The following SBNO2 variants were observed in gnomAD, a reference collection of about 807,000 sequenced individuals.
SBNO2 encodes the protein protein strawberry notch homolog 2.
Under a neutral mutation model 146.3 loss-of-function variants are expected in SBNO2, and 89 were observed. The ratio of observed to expected loss-of-function variants is 0.61; its 90% confidence interval spans 0.51 to 0.73. SBNO2 has a LOEUF of 0.73. SBNO2 is among the 30% of genes least tolerant of loss of function. The probability of loss-of-function intolerance (pLI) is 0.00; values close to 1 mark genes in which losing one functional copy is unlikely to be tolerated. For synonymous variants in SBNO2, 1,147 were observed against 892.6 expected, an observed-to-expected ratio of 1.29 and a Z score of -5.08; for missense variants, 2,092 against 2,003.7, an observed-to-expected ratio of 1.04 and a Z score of -0.84.
chr19:1,109,793 G>A lies in SBNO2; in HGVS notation c.3029-16C>T, dbSNP rs779575130. 14 of 1,551,902 alleles carry A rather than the reference G, an allele frequency of 9.0e-6. No homozygotes were observed. The highest frequency in any genetic ancestry group is 1.1e-5 in the Non-Finnish European group (12 of 1,138,236). On this transcript the variant is annotated splice_polypyrimidine_tract_variant and intron_variant, in intron 26 of 31. Transcript: ENST00000361757. This position sits in a 1 kb window ranked among gnomAD's most constrained non-coding sequence, Gnocchi z 4.2. ...GGAGCAAGGTCTAGGGGGGCGGGTG[G>A]AGGGTAAGTGGTGTCCAGGCCTGGG...
chr19:1,153,986 C>A (rs1282200740), intron 2 of SBNO2, among the ~76,000 whole-genome samples, 198 bp downstream of exon 2: 1 of 152,220 alleles, frequency 6.6e-6, no homozygotes, highest in Non-Finnish European at 1.5e-5. Flanking sequence ...TGAGTAGCCT[C>A]CCATTCACAT....
intron 5 of SBNO2, among the ~76,000 whole-genome samples, chr19:1,124,694 T>C (rs2079945060): frequency 2.0e-5 from 3 of 152,164 alleles, no homozygotes; most frequent in Non-Finnish European, 4.4e-5. Context: ...CACATCCCAC[T>C]GCGGCCCCAC....
At position 1,162,009 on chromosome 19, in the gene SBNO2, C is replaced by T. The variant is rs538079030; in HGVS notation, c.-126-7607G>A. Among the ~76,000 whole-genome samples the T allele has an allele frequency of 1.3e-3, 180 of 143,548 alleles. 1 individual carries two copies. The highest frequency in any genetic ancestry group is 4.4e-3 in the African/African-American group (166 of 38,072). 94.2% of individuals were successfully genotyped at this position (143,548 alleles called of 152,430 possible). A position where few individuals can be genotyped will look rare whatever the true frequency, so the allele number is the denominator to read the frequency against. On this transcript the variant is annotated intron_variant, in intron 1 of 31. Transcript: ENST00000361757. ...GACGGACGTCCTGGCCCAAGGTGAG[C>T]GGGCACGGCCACAGATGGCGCCTGG... is the stretch of plus-strand genomic sequence containing the variant.
At chr19:1,129,658 G>A (rs1340415052) in intron 4 of SBNO2, among the ~76,000 whole-genome samples, 1 of 152,202 alleles carries the variant, frequency 6.6e-6, no homozygotes, top group African/African-American at 2.4e-5. Context: ...GCTGACCTGT[G>A]GCCCGGACCC....
At chr19:1,145,924 C>T (rs1348076407) in intron 4 of SBNO2, among the ~76,000 whole-genome samples, 3 of 152,158 alleles carry the variant, frequency 2.0e-5, no homozygotes, top group Non-Finnish European at 2.9e-5. Context: ...CTGGGGGCTA[C>T]AGGACAGGAA....
intron 1 of SBNO2, among the ~76,000 whole-genome samples, chr19:1,166,409 G>A (rs1222258192): frequency 6.6e-6 from 1 of 152,226 alleles, no homozygotes. Flanking sequence ...CTGTCCGCCT[G>A]GACAGGGTGG....
chr19:1,123,172 GT>G (rs2145227240), intron 7 of SBNO2, 127 bp from the exon 8 acceptor site: 1 of 1,097,524 alleles, frequency 9.1e-7, no homozygotes, highest in African/African-American at 1.6e-5. Context: ...GCGTGGCCAG[GT>G]CCCGTTGGGC....
intron 16 of SBNO2, 93 bp from the exon 17 acceptor site, chr19:1,116,196 G>A: frequency 8.4e-7 from 1 of 1,184,524 alleles, no homozygotes; most frequent in Non-Finnish European, 1.2e-6. Flanking sequence ...GGGTCCCTGT[G>A]GGGGTCCCGG....
intron 4 of SBNO2, among the ~76,000 whole-genome samples, chr19:1,129,818 C>G (rs2145248194): frequency 6.6e-6 from 1 of 152,294 alleles, no homozygotes; most frequent in East Asian, 1.9e-4. Context: ...GCTCCCCAAA[C>G]CCAAATGCGT....
intron 11 of SBNO2, among the ~76,000 whole-genome samples, chr19:1,120,412 G>A (rs1489868399): frequency 1.3e-5 from 2 of 152,178 alleles, no homozygotes; most frequent in Non-Finnish European, 2.9e-5. Flanking sequence ...TGTCACCCAC[G>A]CTGGAGTGCA....
rs756207047 is a variant in SBNO2, at chr19:1,154,259, G to A, written c.18C>T (p.Pro6=). The A allele has an allele frequency of 1.7e-5, 21 of 1,267,220 alleles. No individual in the cohort carries two copies. The highest frequency in any genetic ancestry group is 2.7e-4 in the Middle Eastern group (1 of 3,710). The allele number at this position is 1,267,220 out of a possible 1,614,324, so 78.5% of individuals were successfully genotyped here. A position where few individuals can be genotyped will look rare whatever the true frequency, so the allele number is the denominator to read the frequency against. The change falls in exon 2 of 32, where the codon CCC becomes CCT. Residue 6 remains proline, a synonymous_variant. Transcript: ENST00000361757. The stretch of plus-strand genomic sequence containing the variant: ...GCTGCGGGTAATCCCTGTCCATGGC[G>A]GGCCCCACTGCAAGCATCGGGCGGC... MLAVG[P]AMDRDYPQHE... is the part of the protein sequence containing the mutation.
Position 1,108,681 on chromosome 19 carries a change from C to G in SBNO2, c.3640G>C (p.Val1214Leu), listed in dbSNP as rs1281052040. The change falls in exon 32 of 32, where the codon GTG (valine) becomes CTG (leucine). Residue 1214 changes from valine (V) to leucine (L), a missense_variant. Transcript: ENST00000361757. ...QVGIKIPEGC[V>L]RRVLQELRLM... ...CGCAGCTCCTGCAGCACCCGGCGCA[C>G]GCAGCCCTCGGGGATCTTGATGCCT... The G allele has an allele frequency of 6.5e-7, 1 of 1,536,834 alleles. No homozygotes were observed. The highest frequency in any genetic ancestry group is 8.7e-7 in the Non-Finnish European group (1 of 1,149,978).
At position 1,136,229 on chromosome 19, in the gene SBNO2, C is replaced by T. The variant is rs1401259114; in HGVS notation, c.280-8464G>A. Among the ~76,000 whole-genome samples the T allele has an allele frequency of 1.3e-5, 2 of 151,664 alleles. No homozygotes were observed. The highest frequency in any genetic ancestry group is 2.4e-5 in the African/African-American group (1 of 41,280). ...CACCTTGACTTTGGACTTCCAGGCT[C>T]CAGGGCTGGGAGGGGACAGAGTCCT... On this transcript the variant is annotated intron_variant, in intron 4 of 31. Transcript: ENST00000361757. The surrounding 1 kb of genome is among the most constrained non-coding windows in gnomAD (Gnocchi z 4.2).
In SBNO2 at chr19:1,136,002, T is replaced by TG. The variant is rs2080081519; in HGVS notation, c.280-8238dup. On this transcript the variant is annotated intron_variant, in intron 4 of 31. Transcript: ENST00000361757. This position sits in a 1 kb window ranked among gnomAD's most constrained non-coding sequence, Gnocchi z 4.2. ...TGGCCTTATTTGGGAATCCGGTCCT[T>TG]GCAGATGTGAGTGGTTAAAAAAAAA... is the stretch of plus-strand genomic sequence containing the variant. 1.3e-5 allele frequency among the ~76,000 whole-genome samples: 2 copies of TG among 151,476 alleles called. No homozygotes were observed. The highest frequency in any genetic ancestry group is 4.9e-5 in the African/African-American group (2 of 41,228).
At position 1,117,404 on chromosome 19, in the gene SBNO2, C is replaced by T; in HGVS notation, c.1623G>A (p.Gln541=). 6.3e-7 allele frequency: 1 copy of T among 1,590,430 alleles called. No homozygotes were observed. The highest frequency in any genetic ancestry group is 8.5e-7 in the Non-Finnish European group (1 of 1,169,936). Residue 541 remains glutamine (Q), a synonymous_variant, in exon 15 of 32, where the codon CAG becomes CAA. Coordinates refer to ENST00000361757, the MANE Select transcript of SBNO2 (RefSeq NM_014963.3). ...CGATGCACAGATACTTGAAGAAGCG[C>T]TGGTGTGCCGACCAGAACTGGCCCC... ...SLWGQFWSAH[Q]RFFKYLCIAA...
At chr19:1,142,704 G>A (rs1315317512) in intron 4 of SBNO2, among the ~76,000 whole-genome samples, 3 of 150,564 alleles carry the variant, frequency 2.0e-5, no homozygotes, top group Non-Finnish European at 4.4e-5. Flanking sequence ...CAGGTGCGGT[G>A]GCTCATGCCT....
chr19:1,122,081 CT>C, intron 11 of SBNO2, 57 bp downstream of exon 11: 1 of 1,308,514 alleles, frequency 7.6e-7, no homozygotes. Flanking sequence ...CTCCATCCTC[CT>C]TTTCCCTCCG....
intron 2 of SBNO2, among the ~76,000 whole-genome samples, chr19:1,153,303 T>C (rs1332936854): frequency 6.6e-6 from 1 of 151,462 alleles, no homozygotes; most frequent in Admixed American, 6.6e-5. Context: ...AGTGGTGCAA[T>C]CTCTGCTCAC....
Position 1,112,150 on chromosome 19 carries a change from G to A in SBNO2, c.2628+39C>T. The A allele has an allele frequency of 6.3e-7, 1 of 1,591,784 alleles. No homozygotes were observed. The highest frequency in any genetic ancestry group is 1.1e-5 in the South Asian group (1 of 88,434). On this transcript the variant is annotated intron_variant, in intron 22 of 31. Transcript: ENST00000361757. This position sits in a 1 kb window ranked among gnomAD's most constrained non-coding sequence, Gnocchi z 5.9. ...ACAAAGCTTTGGAGAGCCTTCCTGGGCCTGTCCCTGGTTCTCAGCCCCACC... is the reference window on the plus strand; with the variant it reads ...ACAAAGCTTTGGAGAGCCTTCCTGGACCTGTCCCTGGTTCTCAGCCCCACC...
Sources: allele counts gnomAD v4.1 joint callset (sites outside exome capture counted in the v4.1 genomes callset), GRCh38; gene constraint gnomAD v4.1.1; non-coding constraint Gnocchi (gnomAD v3.1); transcripts MANE v1.5; gene names NCBI Gene and HGNC (gene_info 2026-07-23, HGNC 2026-07-21).